DMD: variants seen among roughly 807,000 people sequenced by gnomAD.
DMD encodes mutant dystrophin.
DMD carries 63 observed loss-of-function variants against 330.1 expected under a neutral mutation model. The ratio of observed to expected loss-of-function variants is 0.19; its 90% CI spans 0.16 to 0.24. The LOEUF (loss-of-function observed/expected upper bound fraction) is 0.24, where lower values mean the gene tolerates loss of function less well. Among genes scored for constraint, DMD ranks in the 10% least tolerant of loss-of-function variants. The pLI is 1.00. For missense variants in DMD, 3,344 were observed against 2,684.1 expected, an observed-to-expected ratio of 1.25 and a Z score of -5.43; for synonymous variants, 1,223 against 959.8, an observed-to-expected ratio of 1.27 and a Z score of -5.07.
chrX:31,856,130 G>A (rs1233492121), intron 48 of DMD, among the ~76,000 whole-genome samples: 1 of 111,829 alleles, frequency 8.9e-6, no homozygotes, highest in Admixed American at 9.5e-5. Flanking sequence ...CGGAAAATTG[G>A]GGTAAATATA....
intron 47 of DMD, among the ~76,000 whole-genome samples, chrX:31,890,487 A>T (rs780475691): frequency 5.2e-4 from 58 of 111,790 alleles, no homozygotes; most frequent in Non-Finnish European, 8.8e-4. Flanking sequence ...AGTTGCACTT[A>T]CCACATTTCC....
chrX:33,269,450 C>T (rs766603715), intron 1 of DMD, among the ~76,000 whole-genome samples: 17 of 109,705 alleles, frequency 1.5e-4, no homozygotes, highest in Non-Finnish European at 2.8e-4. Context: ...GGGGAGGGAC[C>T]GGCGGGGAAG....
intron 7 of DMD, among the ~76,000 whole-genome samples, chrX:32,753,472 A>C (rs901579681): frequency 9.0e-6 from 1 of 111,648 alleles, no homozygotes; most frequent in African/African-American, 3.3e-5. Context: ...TTTCATACTC[A>C]TAAAGATTTC....
chrX:31,548,216 C>T (rs1381805831), intron 55 of DMD, among the ~76,000 whole-genome samples: 1 of 112,022 alleles, frequency 8.9e-6, no homozygotes, highest in Non-Finnish European at 1.9e-5. Flanking sequence ...AGGTTGCCAG[C>T]ATGAGTGTCA....
At chrX:33,063,946 T>C (rs1269015064) in intron 1 of DMD, among the ~76,000 whole-genome samples, 2 of 112,048 alleles carry the variant, frequency 1.8e-5, no homozygotes, top group African/African-American at 3.2e-5. Flanking sequence ...AATCAGATTT[T>C]ACATTTTTAA....
At chrX:31,420,491 T>C (rs1454029973) in intron 60 of DMD, among the ~76,000 whole-genome samples, 3 of 112,617 alleles carry the variant, frequency 2.7e-5, no homozygotes, top group Non-Finnish European at 1.9e-5. Context: ...AGTAGGAAGT[T>C]GATGCAAAGC....
intron 30 of DMD, among the ~76,000 whole-genome samples, chrX:32,402,140 C>T (rs144215867): frequency 0.03 from 3,338 of 111,365 alleles, 95 homozygotes; most frequent in African/African-American, 0.092. Context: ...TAAGATCTTG[C>T]GGACATCAGT....
intron 2 of DMD, among the ~76,000 whole-genome samples, chrX:32,912,938 GAC>G (rs2087422276): frequency 8.9e-6 from 1 of 112,208 alleles, no homozygotes; most frequent in African/African-American, 3.2e-5. Context: ...ATTTTTAAAA[GAC>G]AGATACATGT....
chrX:31,692,793 C>T (rs976979297), intron 52 of DMD, among the ~76,000 whole-genome samples: 1 of 111,743 alleles, frequency 8.9e-6, no homozygotes, highest in African/African-American at 3.2e-5. Context: ...AAAGTTCTCA[C>T]ATCAAAGGAA....
chrX:33,332,802 T>A (rs922560329), intron 1 of DMD, among the ~76,000 whole-genome samples: 3 of 111,500 alleles, frequency 2.7e-5, no homozygotes, highest in Non-Finnish European at 3.8e-5. Context: ...AAGTAAAACA[T>A]GTAAAAACAC....
At chrX:32,424,791 G>T (rs1453419356) in intron 29 of DMD, among the ~76,000 whole-genome samples, 1 of 81,880 alleles carries the variant, frequency 1.2e-5, no homozygotes, top group Non-Finnish European at 2.3e-5. Flanking sequence ...TAGAGAGATT[G>T]TAAAAAAAAA....
intron 43 of DMD, among the ~76,000 whole-genome samples, chrX:32,238,475 A>AG (rs1569552520): frequency 6.7e-4 from 67 of 100,189 alleles, no homozygotes; most frequent in African/African-American, 2.5e-3. Context: ...GAGAGAGAGA[A>AG]AGAGAGACAC....
chrX:32,691,812 AT>A (rs765152929), intron 9 of DMD, among the ~76,000 whole-genome samples: 1 of 111,331 alleles, frequency 9.0e-6, no homozygotes, highest in Non-Finnish European at 1.9e-5. Flanking sequence ...CATACAAGAG[AT>A]TACTATTAAT....
chrX:31,885,442 C>T (rs771537449), intron 47 of DMD, among the ~76,000 whole-genome samples: 1 of 109,165 alleles, frequency 9.2e-6, no homozygotes, highest in South Asian at 4.0e-4. Flanking sequence ...AACCCCGTCT[C>T]TACTAAAAAT....
chrX:32,962,537 G>A (rs2091940747), intron 2 of DMD, among the ~76,000 whole-genome samples: 1 of 111,654 alleles, frequency 9.0e-6, no homozygotes, highest in East Asian at 2.8e-4. Flanking sequence ...GAAGCAAAAT[G>A]TCTTAACACT....
intron 7 of DMD, among the ~76,000 whole-genome samples, chrX:32,757,149 A>C (rs1422406034): frequency 8.9e-6 from 1 of 111,807 alleles, no homozygotes; most frequent in Non-Finnish European, 1.9e-5. Flanking sequence ...GCCAATTGAT[A>C]TATCCATTAC....
chrX:32,711,287 T>C (rs1249271235), intron 7 of DMD, among the ~76,000 whole-genome samples: 23 of 111,318 alleles, frequency 2.1e-4, no homozygotes. Context: ...CTCCCTCAGG[T>C]AGAGCTCTAC....
intron 73 of DMD, among the ~76,000 whole-genome samples, chrX:31,170,903 G>T (rs979269423): frequency 2.7e-5 from 3 of 111,891 alleles, no homozygotes; most frequent in Non-Finnish European, 5.7e-5. Context: ...TGTACTGCTA[G>T]AACTTCCCAT....
At chrX:33,326,471 A>T (rs1035536249) in intron 1 of DMD, among the ~76,000 whole-genome samples, 2 of 111,848 alleles carry the variant, frequency 1.8e-5, no homozygotes, top group African/African-American at 6.5e-5. Flanking sequence ...AATATATGTG[A>T]ATAAGAATTG....
Sources: allele counts gnomAD v4.1 joint callset (sites outside exome capture counted in the v4.1 genomes callset), GRCh38; gene constraint gnomAD v4.1.1; transcripts MANE v1.5; gene names NCBI Gene and HGNC (gene_info 2026-07-23, HGNC 2026-07-21).